The following SND1 variants were observed in gnomAD, a reference collection of about 807,000 sequenced individuals.
SND1 encodes staphylococcal nuclease and tudor domain containing 1.
In SND1, 38 loss-of-function variants were observed where a neutral mutation model predicts 121.7. That is an observed-to-expected ratio of 0.31 (90% confidence interval 0.24 to 0.41). The LOEUF is 0.41. Among genes scored for constraint, SND1 ranks in the 10% least tolerant of loss-of-function variants. The pLI, the probability that SND1 is intolerant of heterozygous loss-of-function variation, is 1.00. For missense variants in SND1, 868 were observed against 1,184.6 expected (o/e 0.73, Z 3.92); for synonymous variants, 401 against 447.4 (o/e 0.90, Z 1.31).
chr7:127,740,543 A>C (rs1796861509), intron 10 of SND1, among the ~76,000 whole-genome samples: 1 of 152,228 alleles, frequency 6.6e-6, no homozygotes, highest in Non-Finnish European at 1.5e-5. Flanking sequence ...CTCAATCAGC[A>C]GAATAATGCA....
At chr7:127,827,825 AAAT>A (rs1248857744) in intron 11 of SND1, among the ~76,000 whole-genome samples, 2 of 152,138 alleles carry the variant, frequency 1.3e-5, no homozygotes, top group Non-Finnish European at 2.9e-5. Flanking sequence ...TTACAGAGAA[AAAT>A]AAAGGAATAG....
intron 15 of SND1, among the ~76,000 whole-genome samples, chr7:127,947,574 GGTGGC>G: frequency 0.014 from 1 of 74 alleles, no homozygotes; most frequent in Non-Finnish European, 0.024. Context: ...GGGCCCTCAA[GGTGGC>G]GCTTCCCAAG....
chr7:127,881,096 G>A (rs951581055), intron 12 of SND1, among the ~76,000 whole-genome samples: 1 of 152,036 alleles, frequency 6.6e-6, no homozygotes, highest in African/African-American at 2.4e-5. Context: ...GAGACTATTG[G>A]CTTAATAAGA....
chr7:128,044,959 T>C lies in SND1; in HGVS notation c.1780-29543T>C, dbSNP rs186904350. ...TTGTGTCCTGGGTTTAGCTCCTGAT[T>C]TTAGGATTAGCACAGATTACAGGGT... is the stretch of plus-strand genomic sequence containing the variant. On this transcript the variant is annotated intron_variant, in intron 16 of 23. Transcript: ENST00000354725. Among the ~76,000 whole-genome samples the C allele has an allele frequency of 3.9e-5, 6 of 152,268 alleles. No homozygotes were observed. The East Asian group carries it at 9.6e-4, about 24-fold the overall frequency.
At chr7:127,922,913 C>T (rs1339698073) in intron 14 of SND1, among the ~76,000 whole-genome samples, 2 of 152,216 alleles carry the variant, frequency 1.3e-5, no homozygotes, top group South Asian at 2.1e-4. Context: ...CTATGTTCAA[C>T]ATGGTGCAGG....
intron 16 of SND1, among the ~76,000 whole-genome samples, chr7:128,066,291 T>C (rs1471174796): frequency 1.3e-5 from 2 of 152,250 alleles, no homozygotes; most frequent in Non-Finnish European, 2.9e-5. Flanking sequence ...GCCTTTTCTT[T>C]TCAGGAGCCT....
At chr7:127,826,045 G>A (rs1419284385) in intron 11 of SND1, among the ~76,000 whole-genome samples, 1 of 152,086 alleles carries the variant, frequency 6.6e-6, no homozygotes, top group Non-Finnish European at 1.5e-5. Context: ...ACAAAAATTA[G>A]CTGGGCATGG....
intron 13 of SND1, among the ~76,000 whole-genome samples, chr7:127,891,235 T>C (rs550469677): frequency 6.6e-5 from 10 of 152,248 alleles, no homozygotes; most frequent in Admixed American, 6.5e-4. Flanking sequence ...TGTTTTGTTT[T>C]GGTGGCTGTG....
chr7:127,784,924 T>C (rs560245950), intron 10 of SND1, among the ~76,000 whole-genome samples: 119 of 152,286 alleles, frequency 7.8e-4, no homozygotes, highest in Non-Finnish European at 1.4e-3. Flanking sequence ...TGTTTTGTTT[T>C]GTTTTGTTTT....
chr7:128,025,333 G>A (rs2116970697), intron 16 of SND1, among the ~76,000 whole-genome samples: 1 of 152,282 alleles, frequency 6.6e-6, no homozygotes, highest in East Asian at 1.9e-4. Flanking sequence ...TGGGCTTTTA[G>A]TCCCACCTCC....
intron 12 of SND1, among the ~76,000 whole-genome samples, chr7:127,878,621 T>A (rs1799733502): frequency 6.6e-6 from 1 of 152,128 alleles, no homozygotes. Context: ...TCAATCTGTA[T>A]TATGAATTCT....
At position 128,085,810 on chromosome 7, in the gene SND1, G is replaced by T; in HGVS notation, c.2304+30G>T. 1 of 1,591,582 alleles carries T rather than the reference G, an allele frequency of 6.3e-7. No individual in the cohort carries two copies. The highest frequency in any genetic ancestry group is 8.6e-7 in the Non-Finnish European group (1 of 1,159,744). The stretch of plus-strand genomic sequence containing the variant: ...GTGTTGGGGACCAGAGTGTTGGAGG[G>T]GCTATCAAACACAGCAGCCCCCGAG... On this transcript the variant is annotated intron_variant, in intron 20 of 23. Transcript: ENST00000354725. The surrounding 1 kb of genome is among the most constrained non-coding windows in gnomAD (Gnocchi z 4.4).
intron 1 of SND1, among the ~76,000 whole-genome samples, chr7:127,666,753 A>G (rs1443173296): frequency 2.6e-5 from 4 of 152,194 alleles, no homozygotes; most frequent in Admixed American, 1.3e-4. Context: ...TCATGCTGAT[A>G]TAGCTGCCTG....
At chr7:128,051,172 T>C (rs558271458) in intron 16 of SND1, among the ~76,000 whole-genome samples, 1 of 152,168 alleles carries the variant, frequency 6.6e-6, no homozygotes, top group Non-Finnish European at 1.5e-5. Context: ...ACCAAATCCT[T>C]CCCATGGGGT....
intron 15 of SND1, among the ~76,000 whole-genome samples, chr7:127,930,083 A>G (rs573808038): frequency 1.1e-4 from 16 of 152,322 alleles, no homozygotes; most frequent in African/African-American, 3.8e-4. Context: ...GGTACTTCAC[A>G]GAGACTGCAG....
intron 10 of SND1, among the ~76,000 whole-genome samples, chr7:127,742,233 CA>C (rs1419452729): frequency 6.6e-6 from 1 of 152,120 alleles, no homozygotes; most frequent in Non-Finnish European, 1.5e-5. Flanking sequence ...CAACTTGTGC[CA>C]CCAAGATGTG....
chr7:128,035,673 C>G (rs1562877663), intron 16 of SND1, among the ~76,000 whole-genome samples: 1 of 152,176 alleles, frequency 6.6e-6, no homozygotes, highest in Non-Finnish European at 1.5e-5. Flanking sequence ...AAATGCCTGT[C>G]TAATGTGGGC....
At chr7:127,701,533 G>A (rs1796101390) in intron 5 of SND1, among the ~76,000 whole-genome samples, 1 of 143,080 alleles carries the variant, frequency 7.0e-6, no homozygotes, top group African/African-American at 2.8e-5. Context: ...TTCTGCAGAA[G>A]CTAGTCCTGT....
chr7:128,058,821 T>TC (rs751324460), intron 16 of SND1, among the ~76,000 whole-genome samples: 3 of 152,104 alleles, frequency 2.0e-5, no homozygotes, highest in African/African-American at 7.2e-5. Flanking sequence ...TTCCTCTCGT[T>TC]CCGTCCCTCC....
Sources: gnomAD v4.1 joint callset for allele counts (sites outside exome capture counted in the v4.1 genomes callset) on GRCh38, gnomAD v4.1.1 for gene constraint, Gnocchi (gnomAD v3.1) non-coding constraint, MANE v1.5 for transcripts, NCBI Gene and HGNC (gene_info 2026-07-23, HGNC 2026-07-21) for gene names.